SCRN1: variants seen among roughly 807,000 people sequenced by gnomAD.
SCRN1 encodes secernin-1.
SCRN1 carries 19 observed loss-of-function variants against 43.3 expected under a neutral mutation model. The ratio of observed to expected loss-of-function variants is 0.44; its 90% CI spans 0.31 to 0.64. The LOEUF (loss-of-function observed/expected upper bound fraction) is 0.64. SCRN1 is among the 30% of genes least tolerant of loss of function. SCRN1 has a pLI of 0.09. For missense variants in SCRN1, 447 were observed against 524.1 expected (o/e 0.85, Z 1.44); for synonymous variants, 183 against 188.9 (o/e 0.97, Z 0.26).
intron 3 of SCRN1, among the ~76,000 whole-genome samples, chr7:29,948,510 C>A (rs1787808886): frequency 1.3e-5 from 2 of 152,200 alleles, no homozygotes; most frequent in Admixed American, 1.3e-4. Context: ...CAGACCTTTC[C>A]AAATTTTCAC....
At position 29,923,499 on chromosome 7, in the gene SCRN1, A is replaced by C. The variant is rs10480087; in HGVS notation, c.*458T>G. On this transcript the variant is annotated 3_prime_UTR_variant, in exon 8 of 8. Coordinates refer to ENST00000242059, the MANE Select transcript of SCRN1 (RefSeq NM_014766.5). ...ACGGAGGGTCCCCTTGACAACACAC[A>C]CAAGAGCCCTGTGTGTGTGCACAAA... 54,719 of 160,050 alleles carry C rather than the reference A, an allele frequency of 0.34. 9,631 individuals are homozygous for C. The highest frequency in any genetic ancestry group is 0.41 in the African/African-American group (16,897 of 41,544). 9.9% of individuals were successfully genotyped at this position (160,050 alleles called of 1,614,324 possible).
chr7:29,926,721 C>A (rs1055186456), intron 6 of SCRN1, 89 bp from the exon 7 acceptor site: 57 of 925,900 alleles, frequency 6.2e-5, no homozygotes, highest in Middle Eastern at 3.7e-4. Flanking sequence ...AAACATTTCC[C>A]AAGCCAACTT....
At chr7:29,990,098 T>C (rs62446663), upstream of SCRN1, 263,189 of 1,545,492 alleles carry the variant, frequency 0.17, 23,154 homozygotes, top group African/African-American at 0.26. Flanking sequence ...AGCATCCTTT[T>C]GGCGCCTCTT....
intron 3 of SCRN1, among the ~76,000 whole-genome samples, chr7:29,953,338 T>C (rs552977543): frequency 3.8e-4 from 58 of 152,338 alleles, no homozygotes; most frequent in Non-Finnish European, 7.5e-4. Flanking sequence ...TAGAACAAAG[T>C]AGATATTCAG....
chr7:29,933,198 T>C (rs1202915646), intron 6 of SCRN1, among the ~76,000 whole-genome samples: 2 of 152,154 alleles, frequency 1.3e-5, no homozygotes, highest in Non-Finnish European at 2.9e-5. Context: ...GAGTATTTAT[T>C]TGTGTATTTT....
intron 1 of SCRN1, chr7:29,988,517 G>C (rs746425001): frequency 5.9e-5 from 9 of 152,240 alleles, no homozygotes; most frequent in African/African-American, 1.2e-4. Flanking sequence ...TTAAGTCAGG[G>C]GGCAGCTGAT....
chr7:29,937,518 A>ACAATAACT (rs1787381402), intron 5 of SCRN1, among the ~76,000 whole-genome samples: 1 of 152,220 alleles, frequency 6.6e-6, no homozygotes, highest in Non-Finnish European at 1.5e-5. Context: ...CTCAACCAGT[A>ACAATAACT]CAATAACTCA....
Position 29,944,086 on chromosome 7 carries a change from T to G in SCRN1, c.435A>C (p.Glu145Asp). ...EEHGQGGNYF[E>D]DANSCHSFQS... is the part of the protein sequence containing the mutation. Reference sequence around the variant, plus strand: ...GGAAGCTGTGGCAGGAGTTTGCATCTTCAAAGTAATTCCCACCTTGTCCAT... The same window carrying G: ...GGAAGCTGTGGCAGGAGTTTGCATCGTCAAAGTAATTCCCACCTTGTCCAT... The change falls in exon 4 of 8, where the codon GAA becomes GAC. Residue 145 changes from glutamate (E) to aspartate (D), a missense_variant. Physicochemically the swap from Glu to Asp is conservative, Grantham distance 45 (BLOSUM62 2). Transcript: ENST00000242059. 2.5e-6 allele frequency: 4 copies of G among 1,614,192 alleles called. No individual in the cohort carries two copies. Among genetic ancestry groups the G allele is most frequent in the Non-Finnish European group, 3.4e-6 (4 of 1,180,032 alleles).
intron 2 of SCRN1, among the ~76,000 whole-genome samples, chr7:29,962,036 G>A (rs1264048288): frequency 1.3e-5 from 2 of 151,728 alleles, no homozygotes; most frequent in Non-Finnish European, 2.9e-5. Context: ...CTTTTTCCAT[G>A]GTTTTTGCAT....
chr7:29,926,075 T>C (rs1281394560), intron 7 of SCRN1, among the ~76,000 whole-genome samples: 1 of 152,208 alleles, frequency 6.6e-6, no homozygotes, highest in African/African-American at 2.4e-5. Flanking sequence ...TAATAAAATG[T>C]TGCCAGCAAA....
At chr7:29,974,493 C>A (rs1788749028) in intron 1 of SCRN1, among the ~76,000 whole-genome samples, 1 of 152,094 alleles carries the variant, frequency 6.6e-6, no homozygotes, top group South Asian at 2.1e-4. Flanking sequence ...CCAGAGCTCT[C>A]ATGAACCTGA....
intron 1 of SCRN1, among the ~76,000 whole-genome samples, chr7:29,985,559 A>G (rs574602412): frequency 2.6e-5 from 4 of 152,130 alleles, no homozygotes; most frequent in Admixed American, 6.5e-5. Context: ...GGGTGTATTC[A>G]TCTCATTTCG....
intron 1 of SCRN1, chr7:29,970,036 T>C: frequency 2.7e-6 from 1 of 367,244 alleles, no homozygotes; most frequent in Non-Finnish European, 5.5e-6. Flanking sequence ...GCCACCACCA[T>C]CTCCAGCCTG....
intron 2 of SCRN1, among the ~76,000 whole-genome samples, chr7:29,959,299 T>C (rs1295707744): frequency 6.6e-6 from 1 of 152,228 alleles, no homozygotes; most frequent in Non-Finnish European, 1.5e-5. Flanking sequence ...TGGGAGAAGA[T>C]GGCAAAGAAA....
intron 1 of SCRN1, among the ~76,000 whole-genome samples, chr7:29,969,540 TTGACAGATACCC>T (rs1171248485): frequency 4.6e-5 from 7 of 152,216 alleles, no homozygotes; most frequent in Admixed American, 1.3e-4. Flanking sequence ...TACAGATCAA[TTGACAGATACCC>T]TGCTTTGTTG....
At chr7:29,947,075 C>T (rs1435499870) in intron 3 of SCRN1, 2 of 1,216,698 alleles carry the variant, frequency 1.6e-6, no homozygotes, top group Non-Finnish European at 1.1e-6. Flanking sequence ...TCTGCCTGGG[C>T]AGGACCAGGA....
chr7:29,960,070 A>G, intron 2 of SCRN1, among the ~76,000 whole-genome samples: 1 of 151,996 alleles, frequency 6.6e-6, no homozygotes, highest in Non-Finnish European at 1.5e-5. Flanking sequence ...AGCTTTGCTC[A>G]GCTCTCTCTG....
rs755989030 is a variant in SCRN1 at position 29,944,125 on chromosome 7, G to A, written c.396C>T (p.Ser132=). The change falls in exon 4 of 8, where the codon TCC becomes TCT. Residue 132 remains serine, a synonymous_variant. Transcript: ENST00000242059. ...CACCTTGTCCATGTTCTTCCAACAA[G>A]GAGACAATGACATCTAAGGCTTCTT... ...TAKEALDVIV[S]LLEEHGQGGN... 2 of 1,614,224 alleles carry A rather than the reference G, an allele frequency of 1.2e-6. No homozygotes were observed. Among genetic ancestry groups the A allele is most frequent in the African/African-American group, 2.7e-5 (2 of 75,054 alleles).
chr7:29,980,607 A>G (rs1788966407), intron 1 of SCRN1, among the ~76,000 whole-genome samples: 1 of 152,210 alleles, frequency 6.6e-6, no homozygotes, highest in Admixed American at 6.5e-5. Flanking sequence ...TTAGCCAAAC[A>G]TTCATTTTCT....
Sources: gnomAD v4.1 joint callset for allele counts (sites outside exome capture counted in the v4.1 genomes callset) on GRCh38, gnomAD v4.1.1 for gene constraint, MANE v1.5 for transcripts, NCBI Gene and HGNC (gene_info 2026-07-23, HGNC 2026-07-21) for gene names.